Variants in ARAP1 observed in about 807,000 individuals in gnomAD.
ARAP1 encodes ArfGAP with RhoGAP domain, ankyrin repeat and PH domain 1.
Under a neutral mutation model 172.2 loss-of-function variants are expected in ARAP1, and 76 were observed. The observed-to-expected ratio is 0.44, with a 90% CI of 0.37 to 0.53. ARAP1 has a LOEUF of 0.53. Among genes scored for constraint, ARAP1 ranks in the 20% least tolerant of loss-of-function variants. ARAP1 has a pLI of 0.00. For missense variants in ARAP1, 1,686 were observed against 1,977.5 expected, an observed-to-expected ratio of 0.85 and a Z score of 2.80; for synonymous variants, 804 against 803.3, an observed-to-expected ratio of 1.00 and a Z score of -0.01.
rs1019224331 is a variant in ARAP1 at position 72,686,096 on chromosome 11, A to G, written c.4281T>C (p.Gly1427=). 10 of 1,613,750 alleles carry G rather than the reference A, an allele frequency of 6.2e-6. No individual in the cohort carries two copies. The African/African-American group carries it at 1.1e-4, about 17-fold the overall frequency. Residue 1427 remains glycine (G), a synonymous_variant, in exon 34 of 35, where the codon GGT becomes GGC. Transcript: ENST00000393609. ...LGSVSLIPLR[G]SENEMRRSVA... is the part of the protein sequence containing the mutation. ...CACTCCGGCGCATTTCATTTTCACT[A>G]CCTCGAAGGGGGATCAGTGACACAC...
At chr11:72,740,591 A>G (rs2135589118) in intron 1 of ARAP1, among the ~76,000 whole-genome samples, 1 of 152,306 alleles carries the variant, frequency 6.6e-6, no homozygotes, top group African/African-American at 2.4e-5. Flanking sequence ...TTACTAACAG[A>G]ACTATTATAA....
Position 72,702,979 on chromosome 11 carries a change from G to A in ARAP1, c.2093C>T (p.Pro698Leu). The A allele has an allele frequency of 1.9e-6, 3 of 1,568,834 alleles. No individual in the cohort carries two copies. The highest frequency in any genetic ancestry group is 2.6e-6 in the Non-Finnish European group (3 of 1,158,062). Residue 698 changes from proline (P) to leucine (L), a missense_variant, in exon 15 of 35, where the codon CCC (proline) becomes CTC (leucine). This residue lies in a region of ARAP1 where 688 missense variants were observed against 856.9 expected (regional missense o/e 0.80). Coordinates refer to ENST00000393609, the MANE Select transcript of ARAP1 (RefSeq NM_001040118.3). ...CTGCTCTGCAAGAGCCAGGGGCGTG[G>A]GGGCCTCAGGGTCCCCCGAGAAGCA... ...INCFSGDPEA[P>L]TPLALAEQAG...
intron 1 of ARAP1, among the ~76,000 whole-genome samples, chr11:72,750,019 A>T (rs1490350077): frequency 6.6e-6 from 1 of 152,172 alleles, no homozygotes; most frequent in African/African-American, 2.4e-5. Context: ...CCCATCTGTG[A>T]AAGAAGCTTT....
intron 1 of ARAP1, among the ~76,000 whole-genome samples, chr11:72,748,322 T>C (rs111789392): frequency 0.012 from 1,808 of 152,076 alleles, 39 homozygotes; most frequent in African/African-American, 0.041. Flanking sequence ...GAGTTCAAGA[T>C]CATCCTGGCC....
chr11:72,702,736 A>G (rs1053703279), intron 15 of ARAP1, among the ~76,000 whole-genome samples, 169 bp downstream of exon 15: 1 of 152,184 alleles, frequency 6.6e-6, no homozygotes, highest in African/African-American at 2.4e-5. Flanking sequence ...AGGAACATGC[A>G]TACGTAGTAC....
At chr11:72,749,792 G>T (rs1391500578) in intron 1 of ARAP1, among the ~76,000 whole-genome samples, 1 of 151,640 alleles carries the variant, frequency 6.6e-6, no homozygotes, top group African/African-American at 2.4e-5. Flanking sequence ...TGAGGCAGGA[G>T]AATGGCATGA....
intron 1 of ARAP1, 103 bp downstream of exon 1, chr11:72,752,225 G>C (rs1474842009): frequency 6.6e-6 from 1 of 152,370 alleles, no homozygotes; most frequent in Non-Finnish European, 1.5e-5. Context: ...CGGGGAAGCA[G>C]AAGCAGCGCG....
chr11:72,747,796 C>G (rs531597168), intron 1 of ARAP1, among the ~76,000 whole-genome samples: 20 of 152,214 alleles, frequency 1.3e-4, no homozygotes, highest in Non-Finnish European at 2.5e-4. Flanking sequence ...CAGGATTTGA[C>G]GGCAATTAGT....
In ARAP1 at chr11:72,695,568, C is replaced by T. The variant is rs752068100; in HGVS notation, c.3481G>A (p.Val1161Met). Reference protein sequence around the residue: ...EEITAIVKMRVAGTASGTQHA... With the variant: ...EEITAIVKMRMAGTASGTQHA... The stretch of plus-strand genomic sequence containing the variant: ...TGGGTCCCACTGGCAGTGCCAGCCA[C>T]GCGCATCTTCACAATGGCAGTGATC... The change falls in exon 25 of 35, where the codon GTG becomes ATG. Residue 1161 changes from valine to methionine, a missense_variant. Coordinates refer to ENST00000393609, the MANE Select transcript of ARAP1 (RefSeq NM_001040118.3). The surrounding 1 kb of genome is among the most constrained non-coding windows in gnomAD (Gnocchi z 4.4). 2.0e-5 allele frequency: 33 copies of T among 1,613,994 alleles called. No homozygotes were observed. In the East Asian group the frequency reaches 3.1e-4, roughly 15 times the overall value.
intron 2 of ARAP1, among the ~76,000 whole-genome samples, chr11:72,731,818 C>T (rs1309049127): frequency 6.6e-6 from 1 of 152,182 alleles, no homozygotes; most frequent in East Asian, 1.9e-4. Flanking sequence ...ATAAAGATGT[C>T]AGTTCCTCCA....
Position 72,696,595 on chromosome 11 carries a change from G to A in ARAP1, c.3226C>T (p.Pro1076Ser), listed in dbSNP as rs780025289. ...GCCTTCACTGTGGCCCGGTTGACAG[G>A]GGGCAGCCGCACCAGCAGCTCTCGG... ...RYRELLVRLP[P>S]VNRATVKALI... Residue 1076 changes from proline to serine, a missense_variant, in exon 23 of 35, where the codon CCT becomes TCT. Around this residue, in one of 5 missense-constraint regions of ARAP1, gnomAD observed 274 missense variants for 262.7 expected, o/e 1.04. Coordinates refer to ENST00000393609, the MANE Select transcript of ARAP1 (RefSeq NM_001040118.3). 1 of 1,605,090 alleles carries A rather than the reference G, an allele frequency of 6.2e-7. No homozygotes were observed. Among genetic ancestry groups the A allele is most frequent in the South Asian group, 1.1e-5 (1 of 90,414 alleles).
chr11:72,712,982 C>T (rs556384961), intron 5 of ARAP1, 194 bp downstream of exon 5: 89 of 645,500 alleles, frequency 1.4e-4, no homozygotes, highest in Non-Finnish European at 2.3e-4. Context: ...ACACCAGAGC[C>T]CCGACCCCTG....
intron 8 of ARAP1, 52 bp downstream of exon 8, chr11:72,711,378 G>T: frequency 3.2e-6 from 5 of 1,583,996 alleles, no homozygotes; most frequent in Non-Finnish European, 4.3e-6. Flanking sequence ...TCCAGTGTTG[G>T]GGCCAGCCTA....
At chr11:72,743,111 T>C (rs1483834010) in intron 1 of ARAP1, among the ~76,000 whole-genome samples, 1 of 152,230 alleles carries the variant, frequency 6.6e-6, no homozygotes. Flanking sequence ...ATCCCACTTA[T>C]CACTACCGGA....
chr11:72,717,494 G>A lies in ARAP1; in HGVS notation c.510-3173C>T, dbSNP rs531617075. Reference sequence around the variant, plus strand: ...CTGCTCGTCCGCATCCCTGGGGTCCGGCAGCATCAGCCCCCCTCCTCTGGC... The same window carrying A: ...CTGCTCGTCCGCATCCCTGGGGTCCAGCAGCATCAGCCCCCCTCCTCTGGC... On this transcript the variant is annotated intron_variant, in intron 3 of 34. Transcript: ENST00000393609. Among the ~76,000 whole-genome samples, 8 of 152,246 alleles carry A rather than the reference G, an allele frequency of 5.3e-5. No individual in the cohort carries two copies. The South Asian group carries it at 6.2e-4, about 12-fold the overall frequency.
intron 5 of ARAP1, chr11:72,712,964 G>A (rs1382186807): frequency 1.6e-6 from 1 of 617,086 alleles, no homozygotes; most frequent in African/African-American, 1.9e-5. Flanking sequence ...CCAGGGCCTG[G>A]GGGAGCCACA....
rs1442239216 is a variant in ARAP1, at chr11:72,686,092, CACT to C, written c.4282_4284del (p.Ser1428del). Reference sequence around the variant, plus strand: ...GCCACACTCCGGCGCATTTCATTTTCACTACCTCGAAGGGGGATCAGTGACACA... The same window carrying C: ...GCCACACTCCGGCGCATTTCATTTTCACCTCGAAGGGGGATCAGTGACACA... On this transcript the variant is annotated inframe_deletion, in exon 34 of 35. Coordinates refer to ENST00000393609, the MANE Select transcript of ARAP1 (RefSeq NM_001040118.3). 6.2e-7 allele frequency: 1 copy of C among 1,613,994 alleles called. No homozygotes were observed. The highest frequency in any genetic ancestry group is 1.3e-5 in the African/African-American group (1 of 74,946).
chr11:72,701,566 C>T, intron 16 of ARAP1, 83 bp downstream of exon 16: 1 of 1,524,124 alleles, frequency 6.6e-7, no homozygotes. Context: ...CAGAGTCCAC[C>T]AGTCTGGCCA....
intron 27 of ARAP1, among the ~76,000 whole-genome samples, chr11:72,694,717 A>G (rs1856100896): frequency 6.6e-6 from 1 of 152,150 alleles, no homozygotes; most frequent in Non-Finnish European, 1.5e-5. Context: ...ACTGCCATCA[A>G]GACCACCTTT....
Sources: allele counts gnomAD v4.1 joint callset (sites outside exome capture counted in the v4.1 genomes callset), GRCh38; gene constraint gnomAD v4.1.1; regional missense constraint gnomAD v4.1.1; non-coding constraint Gnocchi (gnomAD v3.1); transcripts MANE v1.5; gene names NCBI Gene and HGNC (gene_info 2026-07-23, HGNC 2026-07-21).